Variants in RAPGEF6 observed in about 807,000 individuals in gnomAD.
The protein encoded by RAPGEF6 is Rap guanine nucleotide exchange factor 6, also known as PDZ domain containing guanine nucleotide exchange factor (GEF) 2.
In RAPGEF6, 56 loss-of-function variants were observed where a neutral mutation model predicts 171.4. The ratio of observed to expected loss-of-function variants is 0.33; its 90% CI spans 0.26 to 0.41. The LOEUF (loss-of-function observed/expected upper bound fraction) is 0.41, where lower values mean the gene tolerates loss of function less well. RAPGEF6 is among the 10% of genes least tolerant of loss of function. The pLI is 1.00. For missense variants in RAPGEF6, 1,674 were observed against 1,921.4 expected, an observed-to-expected ratio of 0.87 and a Z score of 2.41; for synonymous variants, 692 against 650.1, an observed-to-expected ratio of 1.06 and a Z score of -0.98.
intron 22 of RAPGEF6, among the ~76,000 whole-genome samples, chr5:131,443,450 C>T (rs1297126091): frequency 6.6e-6 from 1 of 152,192 alleles, no homozygotes; most frequent in Non-Finnish European, 1.5e-5. Context: ...CATTCTCTCA[C>T]CTTTACTACT....
At chr5:131,585,280 A>G (rs1014057047) in intron 4 of RAPGEF6, among the ~76,000 whole-genome samples, 1 of 144,940 alleles carries the variant, frequency 6.9e-6, no homozygotes, top group Admixed American at 7.1e-5. Flanking sequence ...AATAAGAAAA[A>G]AAAAAAACTA....
intron 5 of RAPGEF6, among the ~76,000 whole-genome samples, chr5:131,559,048 C>T (rs1761424631): frequency 6.6e-6 from 1 of 152,114 alleles, no homozygotes; most frequent in Admixed American, 6.5e-5. Context: ...AATCTCCTGG[C>T]CAGGCAAAGC....
At chr5:131,585,289 T>TATACATACATACATAC (rs3058508) in intron 4 of RAPGEF6, among the ~76,000 whole-genome samples, 10 of 135,040 alleles carry the variant, frequency 7.4e-5, no homozygotes, top group East Asian at 4.3e-4. Context: ...AAAAAAAAAC[T>TATACATACATACATAC]ATACATACAT....
At chr5:131,585,491 T>G (rs976197756) in intron 4 of RAPGEF6, among the ~76,000 whole-genome samples, 1 of 151,986 alleles carries the variant, frequency 6.6e-6, no homozygotes, top group Non-Finnish European at 1.5e-5. Flanking sequence ...CATACCTGAT[T>G]GCCTCCTTTG....
intron 23 of RAPGEF6, chr5:131,440,075 A>G (rs1056724679): frequency 5.2e-6 from 2 of 384,704 alleles, no homozygotes; most frequent in African/African-American, 4.2e-5. Flanking sequence ...CCTCCCCTCT[A>G]GAGGTGGCCT....
intron 5 of RAPGEF6, among the ~76,000 whole-genome samples, chr5:131,559,666 TAAC>T (rs10616741): frequency 0.77 from 115,108 of 149,810 alleles, 44,483 homozygotes; most frequent in Middle Eastern, 0.82. Flanking sequence ...ACAAAAACAA[TAAC>T]AACAACAACA....
In RAPGEF6 at chr5:131,510,301, A is replaced by G. The variant is rs113208895; in HGVS notation, c.805+13T>C. On this transcript the variant is annotated intron_variant, in intron 8 of 27. Coordinates refer to ENST00000509018, the MANE Select transcript of RAPGEF6 (RefSeq NM_016340.6). ...AGTTACAAATTCTTATTGTGAACAC[A>G]TATATTTCTTACCAATGTCATCATC... The G allele has an allele frequency of 7.7e-4, 1,245 of 1,607,128 alleles. 6 individuals carry two copies. The African/African-American group carries it at 0.012, about 16-fold the overall frequency.
intron 4 of RAPGEF6, among the ~76,000 whole-genome samples, chr5:131,583,144 A>G (rs1402330076): frequency 6.6e-6 from 1 of 152,194 alleles, no homozygotes; most frequent in Non-Finnish European, 1.5e-5. Context: ...ATCCATATAA[A>G]CTAACAATAA....
Position 131,492,678 on chromosome 5 carries a change from G to A in RAPGEF6, c.1635C>T (p.Ser545=). The A allele has an allele frequency of 6.2e-7, 1 of 1,614,062 alleles. No homozygotes were observed. Among genetic ancestry groups the A allele is most frequent in the South Asian group, 1.1e-5 (1 of 91,072 alleles). ...ATCCCTTCTCACTCCCTCCATTAAGGCTGAATTGTAGAGGGGACTCGCGGG... is the reference window on the plus strand; with the variant it reads ...ATCCCTTCTCACTCCCTCCATTAAGACTGAATTGTAGAGGGGACTCGCGGG... ...KASRESPLQF[S]LNGGSEKGFG... Residue 545 remains serine (S), a synonymous_variant, in exon 14 of 28, where the codon AGC becomes AGT. Transcript: ENST00000509018.
Position 131,504,521 on chromosome 5 carries a change from T to C in RAPGEF6, c.1254+105A>G, listed in dbSNP as rs1023389107. On this transcript the variant is annotated intron_variant, in intron 11 of 27. Transcript: ENST00000509018. ...TCAACATTTAAGTTAGATGCCAAAG[T>C]GTTAATGAATTATCTTGCATTACTT... 17 of 1,188,894 alleles carry C rather than the reference T, an allele frequency of 1.4e-5. No homozygotes were observed. In the Admixed American group the frequency reaches 2.9e-4, roughly 20 times the overall value. 73.6% of individuals were successfully genotyped at this position (1,188,894 alleles called of 1,614,324 possible).
intron 23 of RAPGEF6, among the ~76,000 whole-genome samples, chr5:131,440,975 T>C (rs1459024289): frequency 6.6e-6 from 1 of 152,158 alleles, no homozygotes; most frequent in Non-Finnish European, 1.5e-5. Context: ...CAGCTTTCCA[T>C]CTGAGCTCTC....
At chr5:131,430,264 G>A (rs893488284) in intron 26 of RAPGEF6, among the ~76,000 whole-genome samples, 9 of 151,744 alleles carry the variant, frequency 5.9e-5, no homozygotes, top group African/African-American at 1.7e-4. Flanking sequence ...TTATATCCAC[G>A]TATTTATATA....
rs571893153 is a variant in RAPGEF6 at position 131,609,976 on chromosome 5, A to C, written c.70-5283T>G. On this transcript the variant is annotated intron_variant, in intron 1 of 27. Coordinates refer to ENST00000509018, the MANE Select transcript of RAPGEF6 (RefSeq NM_016340.6). The stretch of plus-strand genomic sequence containing the variant: ...ACCTTGGGACCACTAGTCATATCAC[A>C]TACCACACAATCCAGAAGCAACTGG... Among the ~76,000 whole-genome samples, 9 of 152,360 alleles carry C rather than the reference A, an allele frequency of 5.9e-5. No individual in the cohort carries two copies. The East Asian group carries it at 1.7e-3, about 29-fold the overall frequency.
intron 11 of RAPGEF6, among the ~76,000 whole-genome samples, chr5:131,502,380 A>T (rs1215118234): frequency 7.9e-5 from 12 of 152,222 alleles, no homozygotes. Flanking sequence ...ACATCTCTCC[A>T]CCAAATATTT....
At chr5:131,597,180 A>G (rs576710206) in intron 3 of RAPGEF6, among the ~76,000 whole-genome samples, 45 of 152,300 alleles carry the variant, frequency 3.0e-4, no homozygotes, top group African/African-American at 1.1e-3. Flanking sequence ...ACACCACTTC[A>G]TTCCAGTGAG....
chr5:131,434,631 A>G (rs1480844190), intron 24 of RAPGEF6, among the ~76,000 whole-genome samples: 1 of 152,194 alleles, frequency 6.6e-6, no homozygotes, highest in Non-Finnish European at 1.5e-5. Context: ...TAAACAGCTG[A>G]GTGGATACAT....
rs755262978 is a variant in RAPGEF6, at chr5:131,461,864, C to G, written c.2705G>C (p.Arg902Thr). Reference protein sequence around the residue: ...NSKTGNTHLKRFEDIVNQETF... With the variant: ...NSKTGNTHLKTFEDIVNQETF... Reference sequence around the variant, plus strand: ...CTCTTGGTTTACAATGTCCTCAAACCTCTTCAAATGAGTATTTCCTGTTTT... The same window carrying G: ...CTCTTGGTTTACAATGTCCTCAAACGTCTTCAAATGAGTATTTCCTGTTTT... Residue 902 changes from arginine (R) to threonine (T), a missense_variant, in exon 19 of 28, where the codon AGG becomes ACG. This residue lies in a region of RAPGEF6 where 1,116 missense variants were observed against 1,321.5 expected (regional missense o/e 0.84). Coordinates refer to ENST00000509018, the MANE Select transcript of RAPGEF6 (RefSeq NM_016340.6). 2 of 1,614,074 alleles carry G rather than the reference C, an allele frequency of 1.2e-6. No homozygotes were observed. Among genetic ancestry groups the G allele is most frequent in the East Asian group, 4.5e-5 (2 of 44,874 alleles).
intron 5 of RAPGEF6, among the ~76,000 whole-genome samples, chr5:131,556,803 T>C (rs1290864702): frequency 6.6e-6 from 1 of 152,234 alleles, no homozygotes; most frequent in Non-Finnish European, 1.5e-5. Context: ...GATTTCATTA[T>C]ATTCATAAGG....
intron 6 of RAPGEF6, among the ~76,000 whole-genome samples, chr5:131,523,079 T>C: frequency 6.6e-6 from 1 of 152,030 alleles, no homozygotes; most frequent in East Asian, 1.9e-4. Flanking sequence ...CAGGCACATA[T>C]GACGAGACAG....
Sources: gnomAD v4.1 joint callset for allele counts (sites outside exome capture counted in the v4.1 genomes callset) on GRCh38, gnomAD v4.1.1 for gene constraint, gnomAD v4.1.1 regional missense constraint, MANE v1.5 for transcripts, NCBI Gene and HGNC (gene_info 2026-07-23, HGNC 2026-07-21) for gene names.